Variants in SMOC2 observed in about 807,000 individuals in gnomAD.
SMOC2 encodes SPARC related modular calcium binding 2.
Under a neutral mutation model 61.4 loss-of-function variants are expected in SMOC2, and 39 were observed. The ratio of observed to expected loss-of-function variants is 0.64; its 90% CI spans 0.49 to 0.83. The LOEUF is 0.83. Ranked by LOEUF, SMOC2 falls within the 40% of genes least tolerant of loss-of-function variation. The probability of loss-of-function intolerance (pLI) is 0.00; values close to 1 mark genes in which losing one functional copy is unlikely to be tolerated. For missense variants in SMOC2, 556 were observed against 592.9 expected, an observed-to-expected ratio of 0.94 and a Z score of 0.65; for synonymous variants, 247 against 239.9, an observed-to-expected ratio of 1.03 and a Z score of -0.27.
chr6:168,623,876 T>C (rs1430817290), intron 9 of SMOC2, among the ~76,000 whole-genome samples: 1 of 152,120 alleles, frequency 6.6e-6, no homozygotes, highest in African/African-American at 2.4e-5. Flanking sequence ...TGCTGAGGCC[T>C]GGGCTGTCGG....
rs562321347 is a variant in SMOC2, at chr6:168,631,814, G to C, written c.908-18867G>C. ...TTACAGCCTTTGATTATGTGTCCAG[G>C]TGAGAAGGTGCATGAGGTCTTTCTT... is the stretch of plus-strand genomic sequence containing the variant. On this transcript the variant is annotated intron_variant, in intron 9 of 12. Coordinates refer to ENST00000356284, the MANE Select transcript of SMOC2 (RefSeq NM_001166412.2). 2.6e-5 allele frequency among the ~76,000 whole-genome samples: 4 copies of C among 152,288 alleles called. No homozygotes were observed. The South Asian group carries it at 8.3e-4, about 32-fold the overall frequency.
chr6:168,518,322 CAT>C (rs1162506975), intron 2 of SMOC2, among the ~76,000 whole-genome samples: 1 of 151,908 alleles, frequency 6.6e-6, no homozygotes. Context: ...GTTTCTGTTG[CAT>C]GTGTGTATGC....
chr6:168,600,422 CAA>C (rs1299567047), intron 8 of SMOC2, among the ~76,000 whole-genome samples: 1 of 25,926 alleles, frequency 3.9e-5, no homozygotes, highest in African/African-American at 1.1e-4. Flanking sequence ...AAAAAAAAAA[CAA>C]AAAAAAAAAC....
At chr6:168,532,142 T>C (rs528647736) in intron 4 of SMOC2, among the ~76,000 whole-genome samples, 74 of 152,170 alleles carry the variant, frequency 4.9e-4, no homozygotes, top group Non-Finnish European at 7.6e-4. Context: ...TAGATGGCTT[T>C]AGGGCAGGTG....
intron 11 of SMOC2, among the ~76,000 whole-genome samples, chr6:168,653,454 C>T (rs560162371): frequency 2.6e-5 from 4 of 152,366 alleles, no homozygotes; most frequent in South Asian, 2.1e-4. Context: ...GCATGAACTG[C>T]GTGTTGGTTT....
rs191372868 is a variant in SMOC2, at chr6:168,567,552, G to C, written c.637+18349G>C. On this transcript the variant is annotated intron_variant, in intron 7 of 12. Transcript: ENST00000356284. ...TTTGTAAAGCCACGTTGAATATCTA[G>C]TATATGCTCAATAAAATATTGAACA... Among the ~76,000 whole-genome samples the C allele has an allele frequency of 3.9e-5, 6 of 152,144 alleles. No individual in the cohort carries two copies. The East Asian group carries it at 9.7e-4, about 24-fold the overall frequency.
Position 168,539,220 on chromosome 6 carries a change from A to G in SMOC2, c.464-4405A>G, listed in dbSNP as rs1002702687. On this transcript the variant is annotated intron_variant, in intron 4 of 12. Coordinates refer to ENST00000356284, the MANE Select transcript of SMOC2 (RefSeq NM_001166412.2). ...GATTTTATATATTCTTAGATCAAAA[A>G]ACTTAAATTTTATTTATAAACATGA... Among the ~76,000 whole-genome samples the G allele has an allele frequency of 2.0e-5, 3 of 152,312 alleles. No homozygotes were observed. The South Asian group carries it at 6.2e-4, about 32-fold the overall frequency.
At position 168,666,622 on chromosome 6, in the gene SMOC2, A is replaced by C; in HGVS notation, c.*184A>C. 3.0e-6 allele frequency: 2 copies of C among 668,520 alleles called. No homozygotes were observed. 41.4% of individuals were successfully genotyped at this position (668,520 alleles called of 1,614,324 possible). A position where few individuals can be genotyped will look rare whatever the true frequency, so the allele number is the denominator to read the frequency against. ...TCTGTGAAAATGGAGAGCTGGCTTCAGAAAATTAATCACATACAATGTATG... is the reference window on the plus strand; with the variant it reads ...TCTGTGAAAATGGAGAGCTGGCTTCCGAAAATTAATCACATACAATGTATG... On this transcript the variant is annotated 3_prime_UTR_variant, in exon 13 of 13. Coordinates refer to ENST00000356284, the MANE Select transcript of SMOC2 (RefSeq NM_001166412.2).
intron 9 of SMOC2, among the ~76,000 whole-genome samples, chr6:168,618,843 G>GAGAC (rs1786171653): frequency 6.6e-6 from 1 of 152,286 alleles, no homozygotes; most frequent in East Asian, 1.9e-4. Context: ...CGGTCTGGGA[G>GAGAC]AGACAGCGAT....
intron 6 of SMOC2, 85 bp downstream of exon 6, chr6:168,547,254 T>A (rs1483502705): frequency 1.7e-6 from 2 of 1,184,936 alleles, no homozygotes; most frequent in South Asian, 1.2e-5. Context: ...CGAGTCATCT[T>A]GTTAGAGCTC....
intron 1 of SMOC2, among the ~76,000 whole-genome samples, chr6:168,486,311 G>A (rs977493265): frequency 6.6e-6 from 1 of 152,092 alleles, no homozygotes; most frequent in African/African-American, 2.4e-5. Context: ...CCATCCAACA[G>A]CCTTGTAGAT....
At chr6:168,616,197 C>G (rs534811481) in intron 9 of SMOC2, among the ~76,000 whole-genome samples, 1 of 152,220 alleles carries the variant, frequency 6.6e-6, no homozygotes, top group African/African-American at 2.4e-5. Context: ...TTTACAGACA[C>G]GAGTCTTCTA....
At chr6:168,536,225 A>G (rs1783730533) in intron 4 of SMOC2, among the ~76,000 whole-genome samples, 2 of 152,210 alleles carry the variant, frequency 1.3e-5, no homozygotes, top group African/African-American at 2.4e-5. Flanking sequence ...GCAGCCATCC[A>G]TGACCATCTC....
At chr6:168,477,136 G>T (rs901734362) in intron 1 of SMOC2, among the ~76,000 whole-genome samples, 1 of 152,168 alleles carries the variant, frequency 6.6e-6, no homozygotes, top group Non-Finnish European at 1.5e-5. Flanking sequence ...TTCAAACCTT[G>T]GTGTCAACTA....
intron 2 of SMOC2, among the ~76,000 whole-genome samples, chr6:168,514,115 C>T (rs2609324): frequency 0.9 from 136,301 of 152,170 alleles, 61,958 homozygotes; most frequent in East Asian, 1. Flanking sequence ...CCCAAAGTGC[C>T]GACCCCACCC....
intron 7 of SMOC2, among the ~76,000 whole-genome samples, chr6:168,568,847 T>A (rs1784603829): frequency 6.6e-6 from 1 of 152,206 alleles, no homozygotes; most frequent in African/African-American, 2.4e-5. Flanking sequence ...TTACTAATAT[T>A]CGTTTAAGGT....
At chr6:168,560,575 CTTGGAGGAGGTG>C (rs1784392134) in intron 7 of SMOC2, among the ~76,000 whole-genome samples, 2 of 117,576 alleles carry the variant, frequency 1.7e-5, no homozygotes, top group African/African-American at 3.5e-5. Flanking sequence ...TCACTGCATT[CTTGGAGGAGGTG>C]TCATTTTCCT....
chr6:168,631,970 G>A (rs1019288157), intron 9 of SMOC2, among the ~76,000 whole-genome samples: 3 of 152,174 alleles, frequency 2.0e-5, no homozygotes, highest in Non-Finnish European at 2.9e-5. Flanking sequence ...CCAGGGATCC[G>A]AGCAGACCCT....
intron 8 of SMOC2, among the ~76,000 whole-genome samples, chr6:168,603,711 GAA>G (rs200485227): frequency 2.4e-4 from 28 of 118,998 alleles, no homozygotes; most frequent in East Asian, 9.4e-4. Flanking sequence ...TGCTCTGGAG[GAA>G]AAAAAAAAAA....
Sources: gnomAD v4.1 joint callset for allele counts (sites outside exome capture counted in the v4.1 genomes callset) on GRCh38, gnomAD v4.1.1 for gene constraint, MANE v1.5 for transcripts, NCBI Gene and HGNC (gene_info 2026-07-23, HGNC 2026-07-21) for gene names.